Variants in TBC1D32 observed in about 807,000 individuals in gnomAD.
TBC1D32 encodes the protein TBC1 domain family member 32, also known as protein broad-minded.
Under a neutral mutation model 170.3 loss-of-function variants are expected in TBC1D32, and 151 were observed. The ratio of observed to expected loss-of-function variants is 0.89; its 90% confidence interval spans 0.78 to 1.01. The LOEUF (loss-of-function observed/expected upper bound fraction) is 1.01. TBC1D32 is among the 50% of genes least tolerant of loss of function. TBC1D32 has a pLI of 0.00. For missense variants in TBC1D32, 1,464 were observed against 1,457.1 expected (o/e 1.00, Z -0.08); for synonymous variants, 498 against 488.0 (o/e 1.02, Z -0.27).
chr6:121,268,279 A>G (rs563722055), intron 15 of TBC1D32, among the ~76,000 whole-genome samples: 1 of 152,280 alleles, frequency 6.6e-6, no homozygotes, highest in South Asian at 2.1e-4. Context: ...TTGAGAGAAG[A>G]AGGCTTCAGA....
intron 15 of TBC1D32, among the ~76,000 whole-genome samples, chr6:121,263,716 T>C (rs1800076557): frequency 6.6e-6 from 1 of 152,062 alleles, no homozygotes; most frequent in South Asian, 2.1e-4. Context: ...CCTCAGCAAA[T>C]GCAAAAGAAA....
At chr6:121,254,440 A>T (rs1442953453) in intron 17 of TBC1D32, among the ~76,000 whole-genome samples, 1 of 152,194 alleles carries the variant, frequency 6.6e-6, no homozygotes, top group African/African-American at 2.4e-5. Context: ...TTATTAAAAA[A>T]TGAGATCTAA....
chr6:121,285,686 C>T (rs1437632452), intron 12 of TBC1D32, among the ~76,000 whole-genome samples: 1 of 152,172 alleles, frequency 6.6e-6, no homozygotes, highest in Non-Finnish European at 1.5e-5. Flanking sequence ...TGACAGACTG[C>T]CTCCTCAAGT....
chr6:121,285,690 C>G (rs1351090683), intron 12 of TBC1D32, among the ~76,000 whole-genome samples: 1 of 152,162 alleles, frequency 6.6e-6, no homozygotes, highest in Non-Finnish European at 1.5e-5. Flanking sequence ...AGACTGCCTC[C>G]TCAAGTGGGT....
At chr6:121,091,355 C>T (rs1383463394) in intron 30 of TBC1D32, among the ~76,000 whole-genome samples, 2 of 152,090 alleles carry the variant, frequency 1.3e-5, no homozygotes, top group Non-Finnish European at 2.9e-5. Flanking sequence ...CTGCTCTCTA[C>T]AGATAACAAA....
intron 15 of TBC1D32, among the ~76,000 whole-genome samples, 191 bp downstream of exon 15, chr6:121,278,930 G>A (rs1194928324): frequency 3.9e-5 from 6 of 152,052 alleles, no homozygotes; most frequent in Non-Finnish European, 2.9e-5. Context: ...TAATGGGGGA[G>A]TAAGGAAACC....
intron 24 of TBC1D32, among the ~76,000 whole-genome samples, chr6:121,135,936 T>G (rs962339884): frequency 1.3e-5 from 2 of 152,062 alleles, no homozygotes; most frequent in African/African-American, 2.4e-5. Context: ...CACAAGCAAC[T>G]TAGATGCCCA....
intron 24 of TBC1D32, among the ~76,000 whole-genome samples, chr6:121,144,023 G>C (rs1357559961): frequency 6.6e-6 from 1 of 152,114 alleles, no homozygotes; most frequent in Non-Finnish European, 1.5e-5. Flanking sequence ...CCTAGATCAT[G>C]CTGTCTTCCT....
At chr6:121,170,485 CAGG>C (rs753810680) in intron 22 of TBC1D32, 3 of 1,607,824 alleles carry the variant, frequency 1.9e-6, no homozygotes, top group Admixed American at 1.7e-5. Context: ...GAGCCTCTAA[CAGG>C]AGAAGAGTGT....
chr6:121,154,755 A>G lies in TBC1D32; in HGVS notation c.2773+5255T>C, dbSNP rs371456073. Among the ~76,000 whole-genome samples, 46 of 152,298 alleles carry G rather than the reference A, an allele frequency of 3.0e-4. No individual in the cohort carries two copies. In the East Asian group the frequency reaches 8.1e-3, roughly 27 times the overall value. On this transcript the variant is annotated intron_variant, in intron 24 of 31. Coordinates refer to ENST00000398212, the MANE Select transcript of TBC1D32 (RefSeq NM_152730.6). ...TAATTACCAACAGAGTAAACAGACA[A>G]CCTGCAGAATAGGAGAAAATGTTCA... is the stretch of plus-strand genomic sequence containing the variant.
chr6:121,278,984 G>A (rs1056433437), intron 15 of TBC1D32, 137 bp downstream of exon 15: 46 of 895,628 alleles, frequency 5.1e-5, no homozygotes, highest in Non-Finnish European at 6.6e-5. Context: ...AATTACAGAC[G>A]TCAAGTTCTA....
chr6:121,329,847 A>G (rs1050099435), intron 1 of TBC1D32, among the ~76,000 whole-genome samples: 1 of 152,072 alleles, frequency 6.6e-6, no homozygotes, highest in Non-Finnish European at 1.5e-5. Flanking sequence ...AATCTTATAT[A>G]TCACATTAGT....
intron 12 of TBC1D32, 134 bp from the exon 13 acceptor site, chr6:121,284,044 T>C: frequency 1.5e-6 from 1 of 652,728 alleles, no homozygotes; most frequent in Non-Finnish European, 2.7e-6. Flanking sequence ...AGAAGGGAGC[T>C]ATAATCTCAG....
chr6:121,197,431 C>A (rs1335818503), intron 22 of TBC1D32, among the ~76,000 whole-genome samples: 1 of 152,138 alleles, frequency 6.6e-6, no homozygotes, highest in Non-Finnish European at 1.5e-5. Flanking sequence ...GACCACGTGA[C>A]CAGCTACAGA....
chr6:121,199,151 T>C (rs987004008), intron 22 of TBC1D32, among the ~76,000 whole-genome samples: 4 of 151,480 alleles, frequency 2.6e-5, no homozygotes, highest in African/African-American at 7.4e-5. Flanking sequence ...TTAGCAAGTG[T>C]ATTTCTACAG....
intron 22 of TBC1D32, among the ~76,000 whole-genome samples, chr6:121,190,078 ACACACAC>A (rs1324241162): frequency 0.15 from 4,231 of 28,082 alleles, 173 homozygotes; most frequent in African/African-American, 0.2. Flanking sequence ...ATACAGACAC[ACACACAC>A]ACACACACAC....
intron 17 of TBC1D32, among the ~76,000 whole-genome samples, chr6:121,251,733 C>G (rs1354431223): frequency 1.3e-5 from 2 of 152,082 alleles, no homozygotes; most frequent in African/African-American, 2.4e-5. Context: ...AGAGTTTCTG[C>G]AAAGCAAAAG....
At chr6:121,303,139 A>G (rs1038029862) in intron 9 of TBC1D32, among the ~76,000 whole-genome samples, 4 of 152,140 alleles carry the variant, frequency 2.6e-5, no homozygotes, top group Admixed American at 2.6e-4. Context: ...TCAGCTTCAT[A>G]AGAAATTGCC....
chr6:121,176,091 C>T (rs894367709), intron 22 of TBC1D32, among the ~76,000 whole-genome samples: 5 of 151,810 alleles, frequency 3.3e-5, no homozygotes, highest in South Asian at 2.1e-4. Flanking sequence ...AAGGGAACAA[C>T]GAACAAAATT....
Sources: allele counts gnomAD v4.1 joint callset (sites outside exome capture counted in the v4.1 genomes callset), GRCh38; gene constraint gnomAD v4.1.1; transcripts MANE v1.5; gene names NCBI Gene and HGNC (gene_info 2026-07-23, HGNC 2026-07-21).